Variants in CNTLN observed in about 807,000 individuals in gnomAD.
CNTLN encodes the protein centlein, centrosomal protein.
CNTLN carries 212 observed loss-of-function variants against 180.0 expected under a neutral mutation model. The observed-to-expected ratio is 1.18, with a 90% confidence interval of 1.05 to 1.32. The LOEUF is 1.32. Ranked by LOEUF, CNTLN falls within the 40% of genes most tolerant of loss-of-function variation. The pLI is 0.00. For synonymous variants in CNTLN, 722 were observed against 563.1 expected, an observed-to-expected ratio of 1.28 and a Z score of -3.99; for missense variants, 2,095 against 1,610.9, an observed-to-expected ratio of 1.30 and a Z score of -5.14.
chr9:17,243,803 G>T (rs182553678), intron 5 of CNTLN, among the ~76,000 whole-genome samples: 2 of 152,156 alleles, frequency 1.3e-5, no homozygotes, highest in African/African-American at 4.8e-5. Context: ...ATAAAATATG[G>T]TGTAAATATC....
At chr9:17,355,648 A>C (rs979166481) in intron 12 of CNTLN, among the ~76,000 whole-genome samples, 5 of 152,188 alleles carry the variant, frequency 3.3e-5, no homozygotes, top group Non-Finnish European at 5.9e-5. Context: ...CATTTTTTAC[A>C]GGTTGATACT....
chr9:17,325,370 GTGTA>G (rs765654828), intron 8 of CNTLN, among the ~76,000 whole-genome samples: 5,315 of 76,028 alleles, frequency 0.07, 123 homozygotes, highest in South Asian at 0.3. Context: ...GTGTGTGCAT[GTGTA>G]TGTATGTGTG....
intron 2 of CNTLN, among the ~76,000 whole-genome samples, chr9:17,147,898 G>A (rs572821916): frequency 2.8e-4 from 42 of 152,098 alleles, no homozygotes; most frequent in Non-Finnish European, 5.6e-4. Flanking sequence ...TTGTGCTACC[G>A]ACCTAGTGAA....
At chr9:17,381,233 G>A (rs561475083) in intron 13 of CNTLN, among the ~76,000 whole-genome samples, 11 of 152,316 alleles carry the variant, frequency 7.2e-5, no homozygotes, top group African/African-American at 2.6e-4. Context: ...CAGTGATTTA[G>A]TGTCCACTCC....
chr9:17,210,101 A>G (rs147018454), intron 2 of CNTLN, among the ~76,000 whole-genome samples: 13 of 152,166 alleles, frequency 8.5e-5, no homozygotes, highest in African/African-American at 2.4e-4. Flanking sequence ...TCTGGGGTAC[A>G]TGTGCACAAC....
At chr9:17,373,243 A>C (rs1292314323) in intron 13 of CNTLN, among the ~76,000 whole-genome samples, 1 of 152,178 alleles carries the variant, frequency 6.6e-6, no homozygotes, top group African/African-American at 2.4e-5. Flanking sequence ...GAGTCCATAA[A>C]AAAACTATTA....
intron 1 of CNTLN, among the ~76,000 whole-genome samples, chr9:17,136,009 G>C (rs1176655980): frequency 6.6e-6 from 1 of 152,190 alleles, no homozygotes; most frequent in East Asian, 1.9e-4. Context: ...TAATTCCGCG[G>C]TCCTTGAGTG....
At chr9:17,306,738 A>G (rs573281040) in intron 7 of CNTLN, among the ~76,000 whole-genome samples, 8 of 152,282 alleles carry the variant, frequency 5.3e-5, no homozygotes, top group African/African-American at 1.7e-4. Context: ...CAAATATTTG[A>G]AATATGTGAA....
chr9:17,526,021 C>T, the CNTLN span, among the ~76,000 whole-genome samples: 12 of 152,144 alleles, frequency 7.9e-5, no homozygotes, highest in South Asian at 1.9e-3. Flanking sequence ...CTGCAAGCTC[C>T]GCCTCCCGGG....
intron 12 of CNTLN, among the ~76,000 whole-genome samples, chr9:17,363,643 A>G (rs1823583153): frequency 6.6e-6 from 1 of 152,062 alleles, no homozygotes; most frequent in Non-Finnish European, 1.5e-5. Context: ...TCCTCCTACA[A>G]TACAAGGACC....
At chr9:17,339,898 A>C (rs1821343260) in intron 10 of CNTLN, among the ~76,000 whole-genome samples, 1 of 152,154 alleles carries the variant, frequency 6.6e-6, no homozygotes, top group Non-Finnish European at 1.5e-5. Context: ...TTATGCCTGT[A>C]ATTCCAGCAT....
intron 2 of CNTLN, chr9:17,167,444 A>G (rs1820146312): frequency 6.6e-6 from 1 of 152,320 alleles, no homozygotes; most frequent in Non-Finnish European, 1.5e-5. Context: ...CCAAAAGGTC[A>G]GCATAAATTT....
At chr9:17,215,583 AG>A (rs1823685790) in intron 2 of CNTLN, among the ~76,000 whole-genome samples, 1 of 152,206 alleles carries the variant, frequency 6.6e-6, no homozygotes, top group African/African-American at 2.4e-5. Flanking sequence ...CAAAGCTGTC[AG>A]ACAGGGACAT....
chr9:17,317,989 G>A lies in CNTLN; in HGVS notation c.1341+8737G>A, dbSNP rs563942192. 2.7e-4 allele frequency among the ~76,000 whole-genome samples: 41 copies of A among 151,938 alleles called. 1 individual carries two copies. Among genetic ancestry groups the A allele is most frequent in the African/African-American group, 9.7e-4 (40 of 41,446 alleles). ...GGAACCTATTGGGGTGACTTATTCA[G>A]AAGAGTGGTGAGATCTAACTGAATT... is the stretch of plus-strand genomic sequence containing the variant. On this transcript the variant is annotated intron_variant, in intron 8 of 25. Coordinates refer to ENST00000380647, the MANE Select transcript of CNTLN (RefSeq NM_017738.4).
At chr9:17,380,995 A>C (rs1425982277) in intron 13 of CNTLN, among the ~76,000 whole-genome samples, 1 of 152,118 alleles carries the variant, frequency 6.6e-6, no homozygotes, top group Non-Finnish European at 1.5e-5. Context: ...TGTCACCTCC[A>C]CCCGTGATTT....
intron 5 of CNTLN, among the ~76,000 whole-genome samples, chr9:17,243,590 A>G (rs1274437656): frequency 6.6e-6 from 1 of 152,138 alleles, no homozygotes; most frequent in Non-Finnish European, 1.5e-5. Flanking sequence ...TCAGGAGCAT[A>G]TTGTTTAATT....
intron 5 of CNTLN, among the ~76,000 whole-genome samples, chr9:17,268,190 G>T (rs200396846): frequency 2.0e-5 from 3 of 152,082 alleles, no homozygotes; most frequent in African/African-American, 7.2e-5. Context: ...GTCTTTGATG[G>T]TGGTGACTTA....
chr9:17,162,056 G>T (rs1050047322), intron 2 of CNTLN, among the ~76,000 whole-genome samples: 6 of 152,144 alleles, frequency 3.9e-5, no homozygotes, highest in African/African-American at 1.4e-4. Context: ...GTGCCAGAAT[G>T]TATAGCAACC....
intron 18 of CNTLN, among the ~76,000 whole-genome samples, chr9:17,431,088 A>G (rs532893659): frequency 1.3e-5 from 2 of 152,220 alleles, no homozygotes; most frequent in Admixed American, 1.3e-4. Flanking sequence ...TTCTTGGATC[A>G]TATGGTAGTT....
Sources: gnomAD v4.1 joint callset for allele counts (sites outside exome capture counted in the v4.1 genomes callset) on GRCh38, gnomAD v4.1.1 for gene constraint, MANE v1.5 for transcripts, NCBI Gene and HGNC (gene_info 2026-07-23, HGNC 2026-07-21) for gene names.